The following RUNX1T1 variants were observed in gnomAD, a reference collection of about 807,000 sequenced individuals.
RUNX1T1 encodes RUNX1 partner transcriptional co-repressor 1.
A neutral mutation model predicts 62.8 loss-of-function variants in RUNX1T1; 4 were observed. That is an observed-to-expected ratio of 0.06 (90% CI 0.03 to 0.15). The LOEUF (loss-of-function observed/expected upper bound fraction) is 0.15. Among genes scored for constraint, RUNX1T1 ranks in the 10% least tolerant of loss-of-function variants. The pLI, the probability that RUNX1T1 is intolerant of heterozygous loss-of-function variation, is 1.00. For missense variants in RUNX1T1, 508 were observed against 754.3 expected (o/e 0.67, Z 3.82); for synonymous variants, 291 against 286.0 (o/e 1.02, Z -0.18).
Position 92,021,591 on chromosome 8 carries a change from ACT to A in RUNX1T1, c.8-4230_8-4229del, listed in dbSNP as rs1409675526. 3.3e-5 allele frequency among the ~76,000 whole-genome samples: 5 copies of A among 151,958 alleles called. No homozygotes were observed. The East Asian group carries it at 5.8e-4, about 18-fold the overall frequency. ...TAAGGCAGACTGGCTTCAAATGTTG[ACT>A]CTCTCCACCATTAGTAGTGAGTTCT... On this transcript the variant is annotated intron_variant, in intron 1 of 10. Coordinates refer to ENST00000396218, the Ensembl canonical transcript of RUNX1T1.
intron 2 of RUNX1T1, among the ~76,000 whole-genome samples, chr8:92,075,049 G>A (rs1834213278): frequency 6.6e-6 from 1 of 152,236 alleles, no homozygotes; most frequent in Non-Finnish European, 1.5e-5. Flanking sequence ...GGCAAGAGTA[G>A]ACATTGTGGG....
At chr8:92,085,085 C>G (rs1835887662) in intron 1 of RUNX1T1, among the ~76,000 whole-genome samples, 1 of 152,142 alleles carries the variant, frequency 6.6e-6, no homozygotes, top group South Asian at 2.1e-4. Flanking sequence ...CCATTATTAT[C>G]CAGATGAAAA....
chr8:92,042,256 A>G (rs1828615041), intron 1 of RUNX1T1, among the ~76,000 whole-genome samples: 1 of 152,204 alleles, frequency 6.6e-6, no homozygotes, highest in African/African-American at 2.4e-5. Flanking sequence ...CATGAGTTTG[A>G]GATCACTAAA....
chr8:92,049,079 CCT>C (rs148671222), intron 1 of RUNX1T1, among the ~76,000 whole-genome samples: 1,592 of 152,218 alleles, frequency 0.01, 20 homozygotes, highest in African/African-American at 0.036. Flanking sequence ...TTTTTCTTTC[CCT>C]CTCTTTCTAG....
chr8:92,002,215 T>C (rs1819894194), intron 5 of RUNX1T1, among the ~76,000 whole-genome samples: 1 of 152,168 alleles, frequency 6.6e-6, no homozygotes, highest in African/African-American at 2.4e-5. Context: ...TATCTTTTTC[T>C]ACTTTGGGTT....
chr8:91,983,093 A>G (rs1402473599), intron 8 of RUNX1T1, among the ~76,000 whole-genome samples: 2 of 149,128 alleles, frequency 1.3e-5, no homozygotes, highest in African/African-American at 2.5e-5. Flanking sequence ...ATGCCTGGCT[A>G]ATTTTTTTTT....
At position 91,959,657 on chromosome 8, in the gene RUNX1T1, C is replaced by G. The variant is rs553568648; in HGVS notation, c.*585G>C. The G allele has an allele frequency of 2.2e-3, 503 of 227,780 alleles. 1 individual carries two copies. The highest frequency in any genetic ancestry group is 3.5e-3 in the Non-Finnish European group (399 of 114,086). 14.1% of individuals were successfully genotyped at this position (227,780 alleles called of 1,614,324 possible). ...CAGGAAAAAAACCGAACATCTGTGTCTCCTTCCAATCTGCTGCACATCTGC... is the reference window on the plus strand; with the variant it reads ...CAGGAAAAAAACCGAACATCTGTGTGTCCTTCCAATCTGCTGCACATCTGC... On this transcript the variant is annotated 3_prime_UTR_variant, in exon 11 of 11. Transcript: ENST00000396218.
intron 1 of RUNX1T1, among the ~76,000 whole-genome samples, chr8:92,050,229 T>C (rs1830027264): frequency 6.6e-6 from 1 of 152,186 alleles, no homozygotes; most frequent in South Asian, 2.1e-4. Context: ...GATTTTGCCA[T>C]ATAATTCCTT....
intron 1 of RUNX1T1, among the ~76,000 whole-genome samples, chr8:92,029,164 C>A (rs1397987830): frequency 6.6e-6 from 1 of 152,030 alleles, no homozygotes; most frequent in Non-Finnish European, 1.5e-5. Flanking sequence ...ATGAACATTT[C>A]TTGATTTTAA....
At chr8:92,001,067 T>C (rs1819658844) in intron 5 of RUNX1T1, among the ~76,000 whole-genome samples, 1 of 152,112 alleles carries the variant, frequency 6.6e-6, no homozygotes. Context: ...GGTGCATACC[T>C]GTAGTCCTAG....
At chr8:92,074,437 T>G (rs1587486426) in intron 2 of RUNX1T1, among the ~76,000 whole-genome samples, 1 of 152,306 alleles carries the variant, frequency 6.6e-6, no homozygotes, top group Non-Finnish European at 1.5e-5. Flanking sequence ...TTTTTGATTT[T>G]TAATCTGCAT....
intron 8 of RUNX1T1, 66 bp from the exon 10 acceptor site, chr8:91,976,039 C>T (rs1813867430): frequency 2.6e-6 from 3 of 1,171,872 alleles, no homozygotes; most frequent in East Asian, 4.7e-5. Context: ...TGTGTCATCG[C>T]ACAGAGTGAA....
exon 3 of RUNX1T1, chr8:92,014,816 A>G: frequency 6.2e-7 from 1 of 1,606,200 alleles, no homozygotes; most frequent in Non-Finnish European, 8.5e-7. Context: ...TCGTGCCATT[A>G]GTTACTGTCA....
chr8:92,020,578 T>C (rs964384630), intron 1 of RUNX1T1, among the ~76,000 whole-genome samples: 1 of 152,098 alleles, frequency 6.6e-6, no homozygotes, highest in Non-Finnish European at 1.5e-5. Flanking sequence ...CATCAGATCA[T>C]GTAGCAAAGG....
chr8:92,082,052 A>AT (rs1305406152), intron 1 of RUNX1T1, among the ~76,000 whole-genome samples: 2 of 151,744 alleles, frequency 1.3e-5, no homozygotes, highest in Non-Finnish European at 2.9e-5. Context: ...CGCCCGGCTA[A>AT]TTTTTTGTAT....
At chr8:92,058,612 T>G (rs1249659863) in intron 1 of RUNX1T1, among the ~76,000 whole-genome samples, 1 of 152,212 alleles carries the variant, frequency 6.6e-6, no homozygotes, top group East Asian at 1.9e-4. Context: ...ATAAACTACC[T>G]GAACAAGTCC....
At chr8:92,082,046 C>A (rs972276354) in intron 1 of RUNX1T1, among the ~76,000 whole-genome samples, 3 of 151,996 alleles carry the variant, frequency 2.0e-5, no homozygotes, top group Non-Finnish European at 4.4e-5. Context: ...CCACCACGCC[C>A]GGCTAATTTT....
At chr8:92,014,114 T>C (rs920855886) in intron 3 of RUNX1T1, among the ~76,000 whole-genome samples, 5 of 152,158 alleles carry the variant, frequency 3.3e-5, no homozygotes, top group Non-Finnish European at 5.9e-5. Flanking sequence ...TTGTTACAAA[T>C]TCTTGTTCAT....
chr8:91,979,747 T>C (rs1227886826), intron 8 of RUNX1T1: 3 of 489,240 alleles, frequency 6.1e-6, no homozygotes, highest in African/African-American at 3.9e-5. Context: ...CTATGATGTA[T>C]GAAAGAGATG....
Sources: gnomAD v4.1 joint callset for allele counts (sites outside exome capture counted in the v4.1 genomes callset) on GRCh38, gnomAD v4.1.1 for gene constraint, MANE v1.5 for transcripts, NCBI Gene and HGNC (gene_info 2026-07-23, HGNC 2026-07-21) for gene names.